Variants in EVC observed in about 807,000 individuals in gnomAD.
EVC encodes EvC ciliary complex subunit 1, also known as evC complex member EVC.
A neutral mutation model predicts 118.9 loss-of-function variants in EVC; 116 were observed. The observed-to-expected ratio is 0.98, with a 90% confidence interval of 0.84 to 1.14. EVC has a LOEUF of 1.14. Ranked by LOEUF, EVC falls within the 50% of genes most tolerant of loss-of-function variation. EVC has a pLI of 0.00. For synonymous variants in EVC, 619 were observed against 534.7 expected, an observed-to-expected ratio of 1.16 and a Z score of -2.18; for missense variants, 1,401 against 1,246.4, an observed-to-expected ratio of 1.12 and a Z score of -1.87.
intron 11 of EVC, among the ~76,000 whole-genome samples, chr4:5,772,785 G>C (rs1329491770): frequency 6.6e-6 from 1 of 152,126 alleles, no homozygotes; most frequent in Non-Finnish European, 1.5e-5. Flanking sequence ...GCTGACCTCA[G>C]ATGTCTCTCA....
chr4:5,797,416 T>A (rs909570592), intron 14 of EVC, 184 bp downstream of exon 14: 3 of 630,112 alleles, frequency 4.8e-6, no homozygotes, highest in Non-Finnish European at 8.6e-6. Flanking sequence ...TGCACACATT[T>A]CCCTGCTCAC....
Position 5,755,303 on chromosome 4 carries a change from G to A in EVC, c.1465-961G>A, listed in dbSNP as rs748107438. On this transcript the variant is annotated intron_variant, in intron 10 of 20. Transcript: ENST00000264956. The surrounding 1 kb of genome is among the most constrained non-coding windows in gnomAD (Gnocchi z 4.1). ...GGTGACCTTGGTGTCCCAGGGCCTCGGTACAGTCCTCGGAACGCCTCAGCG... is the reference window on the plus strand; with the variant it reads ...GGTGACCTTGGTGTCCCAGGGCCTCAGTACAGTCCTCGGAACGCCTCAGCG... Among the ~76,000 whole-genome samples the A allele has an allele frequency of 1.3e-5, 2 of 152,114 alleles. No homozygotes were observed. The highest frequency in any genetic ancestry group is 2.9e-5 in the Non-Finnish European group (2 of 68,004).
intron 11 of EVC, among the ~76,000 whole-genome samples, chr4:5,781,153 G>T (rs1434488800): frequency 6.6e-6 from 1 of 152,190 alleles, no homozygotes; most frequent in African/African-American, 2.4e-5. Flanking sequence ...TGCCTTGCCA[G>T]AAAAGGAGAC....
At chr4:5,828,593 C>T in the EVC span, 25 of 1,614,212 alleles carry the variant, frequency 1.5e-5, no homozygotes, top group Middle Eastern at 1.6e-4. Flanking sequence ...TCTTCAAAGA[C>T]GATCTTGCCC....
chr4:5,732,111 C>T (rs183152883), intron 4 of EVC, among the ~76,000 whole-genome samples: 5 of 141,886 alleles, frequency 3.5e-5, no homozygotes, highest in African/African-American at 9.8e-5. Flanking sequence ...TTGGTACTGT[C>T]ATTTCCTCCA....
chr4:5,784,900 G>A (rs1736193040), intron 12 of EVC, among the ~76,000 whole-genome samples: 1 of 152,112 alleles, frequency 6.6e-6, no homozygotes, highest in African/African-American at 2.4e-5. Context: ...GAGCCACTGT[G>A]CCCAGCCCAG....
chr4:5,762,418 G>A (rs1732208324), intron 11 of EVC, among the ~76,000 whole-genome samples: 1 of 133,278 alleles, frequency 7.5e-6, no homozygotes, highest in Admixed American at 7.5e-5. Context: ...TATATACCCA[G>A]TAATGGGATG....
chr4:5,715,286 T>A (rs1723756358), intron 1 of EVC, among the ~76,000 whole-genome samples: 1 of 152,254 alleles, frequency 6.6e-6, no homozygotes, highest in Non-Finnish European at 1.5e-5. Context: ...TTGAGCTGGT[T>A]ATTCTCTAGA....
chr4:5,759,725 C>T (rs1185729244), intron 11 of EVC, among the ~76,000 whole-genome samples: 2 of 152,190 alleles, frequency 1.3e-5, no homozygotes, highest in Non-Finnish European at 2.9e-5. Context: ...AAAGGGTAAG[C>T]CAAGCAGTAT....
rs1724497951 is a variant in EVC at position 5,719,166 on chromosome 4, C to A, written c.175-82C>A. ...CTGCTGGACTGGGGGAGTTGACTGG[C>A]AAAAGTCACGGTGGGGACCAGGCCG... On this transcript the variant is annotated intron_variant, in intron 1 of 20. Coordinates refer to ENST00000264956, the MANE Select transcript of EVC (RefSeq NM_153717.3). This position sits in a 1 kb window ranked among gnomAD's most constrained non-coding sequence, Gnocchi z 4.7. 1.9e-6 allele frequency: 3 copies of A among 1,592,244 alleles called. No homozygotes were observed. In the Admixed American group the frequency reaches 5.0e-5, roughly 27 times the overall value.
downstream of EVC, among the ~76,000 whole-genome samples, chr4:5,817,517 T>A (rs1323535643): frequency 6.6e-6 from 1 of 152,228 alleles, no homozygotes; most frequent in African/African-American, 2.4e-5. Context: ...GGCCCCTGTG[T>A]CTTTTCCTCT....
intron 11 of EVC, among the ~76,000 whole-genome samples, chr4:5,769,539 C>G (rs897708042): frequency 3.3e-5 from 5 of 152,140 alleles, no homozygotes; most frequent in Non-Finnish European, 7.3e-5. Flanking sequence ...GCTGTGCGAT[C>G]GCGTGAGCTC....
chr4:5,828,022 G>A, the EVC span: 2 of 984,932 alleles, frequency 2.0e-6, no homozygotes, highest in Non-Finnish European at 2.4e-6. Context: ...GGAAGAAAGG[G>A]CGGATCTGAA....
At chr4:5,808,845 G>A (rs1247769504) in intron 18 of EVC, among the ~76,000 whole-genome samples, 1 of 152,216 alleles carries the variant, frequency 6.6e-6, no homozygotes, top group Non-Finnish European at 1.5e-5. Context: ...TAAGCAAAGT[G>A]GCTGCCTTTA....
rs916605188 is a variant in EVC, at chr4:5,789,539, A to T, written c.1777-4069A>T. On this transcript the variant is annotated intron_variant, in intron 12 of 20. Coordinates refer to ENST00000264956, the MANE Select transcript of EVC (RefSeq NM_153717.3). This position sits in a 1 kb window ranked among gnomAD's most constrained non-coding sequence, Gnocchi z 4.3. ...CCCTCCCTGTTTCTAGGAGGACACT[A>T]ACAAACTTTCAGCACATGCTAGGCA... 6.6e-6 allele frequency among the ~76,000 whole-genome samples: 1 copy of T among 152,224 alleles called. No homozygotes were observed. Among genetic ancestry groups the T allele is most frequent in the East Asian group, 1.9e-4 (1 of 5,196 alleles).
At chr4:5,771,492 C>T (rs1560379631) in intron 11 of EVC, among the ~76,000 whole-genome samples, 1 of 152,196 alleles carries the variant, frequency 6.6e-6, no homozygotes, top group African/African-American at 2.4e-5. Flanking sequence ...TGCGAAGTCT[C>T]TTTACCATGT....
intron 13 of EVC, among the ~76,000 whole-genome samples, chr4:5,794,691 G>A (rs1380739323): frequency 3.9e-5 from 6 of 151,910 alleles, no homozygotes; most frequent in South Asian, 2.1e-4. Flanking sequence ...GATTACAGGC[G>A]TGAGCCACCA....
chr4:5,796,535 C>T (rs1338197662), intron 13 of EVC, among the ~76,000 whole-genome samples: 1 of 151,964 alleles, frequency 6.6e-6, no homozygotes, highest in African/African-American at 2.4e-5. Context: ...GATGAAGGCA[C>T]CCACCAAAAA....
the EVC span, chr4:5,825,344 C>A: frequency 7.1e-7 from 1 of 1,407,256 alleles, no homozygotes; most frequent in Non-Finnish European, 9.2e-7. This position sits in a 1 kb window ranked among gnomAD's most constrained non-coding sequence, Gnocchi z 4.4. Flanking sequence ...TCTGCCCCAC[C>A]AGTGAGAGCA....
Sources: gnomAD v4.1 joint callset for allele counts (sites outside exome capture counted in the v4.1 genomes callset) on GRCh38, gnomAD v4.1.1 for gene constraint, Gnocchi (gnomAD v3.1) non-coding constraint, MANE v1.5 for transcripts, NCBI Gene and HGNC (gene_info 2026-07-23, HGNC 2026-07-21) for gene names.